Variants in CNTNAP2 observed in about 807,000 individuals in gnomAD.
CNTNAP2 encodes contactin associated protein 2.
Under a neutral mutation model 155.2 loss-of-function variants are expected in CNTNAP2, and 98 were observed. That is an observed-to-expected ratio of 0.63 (90% CI 0.54 to 0.75). CNTNAP2 has a LOEUF of 0.75. CNTNAP2 is among the 30% of genes least tolerant of loss of function. The pLI is 0.00. For missense variants in CNTNAP2, 1,727 were observed against 1,688.1 expected, an observed-to-expected ratio of 1.02 and a Z score of -0.40; for synonymous variants, 651 against 631.2, an observed-to-expected ratio of 1.03 and a Z score of -0.47.
intron 1 of CNTNAP2, among the ~76,000 whole-genome samples, chr7:146,572,612 C>A (rs1485275328): frequency 6.6e-6 from 1 of 152,094 alleles, no homozygotes; most frequent in Non-Finnish European, 1.5e-5. Flanking sequence ...TGAACATATT[C>A]TCCAAAGCCA....
chr7:147,447,674 G>C (rs1302868737), intron 10 of CNTNAP2, among the ~76,000 whole-genome samples: 1 of 152,046 alleles, frequency 6.6e-6, no homozygotes, highest in African/African-American at 2.4e-5. Context: ...CCTGCCTTGG[G>C]CTCCCAAAGT....
chr7:146,458,946 T>G (rs1796596788), intron 1 of CNTNAP2, among the ~76,000 whole-genome samples: 1 of 152,212 alleles, frequency 6.6e-6, no homozygotes, highest in Non-Finnish European at 1.5e-5. Context: ...CTATTGGTTT[T>G]GCTTCTCTGG....
chr7:146,842,994 C>T (rs1459204351), intron 3 of CNTNAP2, among the ~76,000 whole-genome samples: 308 of 13,656 alleles, frequency 0.023, 7 homozygotes, highest in Non-Finnish European at 0.035. Flanking sequence ...CTGTCCCACA[C>T]TTTTTTTTTT....
intron 1 of CNTNAP2, among the ~76,000 whole-genome samples, chr7:146,233,344 T>G (rs1009913370): frequency 4.6e-5 from 7 of 152,164 alleles, no homozygotes; most frequent in South Asian, 2.1e-4. Context: ...AACTTGAATT[T>G]TCATAGTATA....
At chr7:146,477,345 T>A (rs541805042) in intron 1 of CNTNAP2, among the ~76,000 whole-genome samples, 1 of 152,294 alleles carries the variant, frequency 6.6e-6, no homozygotes, top group South Asian at 2.1e-4. Context: ...AATGTGTTGC[T>A]AAGATCATTC....
chr7:147,867,316 C>T (rs149581588), intron 13 of CNTNAP2, among the ~76,000 whole-genome samples: 2,462 of 152,262 alleles, frequency 0.016, 64 homozygotes, highest in African/African-American at 0.055. Context: ...CTGAGAGATC[C>T]GCTGTTTGTC....
intron 8 of CNTNAP2, among the ~76,000 whole-genome samples, chr7:147,142,323 T>G (rs1801615873): frequency 6.6e-6 from 1 of 152,180 alleles, no homozygotes; most frequent in Admixed American, 6.5e-5. Flanking sequence ...CTGCATCTAT[T>G]GAGATAATCA....
At chr7:146,695,533 G>A (rs1449840605) in intron 1 of CNTNAP2, among the ~76,000 whole-genome samples, 2 of 152,070 alleles carry the variant, frequency 1.3e-5, no homozygotes, top group Admixed American at 6.6e-5. Context: ...TCCCACCTCA[G>A]CCTCCCATGC....
intron 1 of CNTNAP2, among the ~76,000 whole-genome samples, chr7:146,380,102 T>C (rs1252494415): frequency 1.3e-5 from 2 of 152,200 alleles, no homozygotes; most frequent in Non-Finnish European, 2.9e-5. Context: ...AATGCTGACT[T>C]CTTAAATGAA....
chr7:147,434,009 T>C (rs1169256997), intron 10 of CNTNAP2, among the ~76,000 whole-genome samples: 2 of 152,142 alleles, frequency 1.3e-5, no homozygotes, highest in African/African-American at 2.4e-5. Flanking sequence ...ACCTTATCAG[T>C]CCTCTAAAAT....
At chr7:147,958,917 C>A (rs1250481152) in intron 14 of CNTNAP2, among the ~76,000 whole-genome samples, 1 of 152,090 alleles carries the variant, frequency 6.6e-6, no homozygotes, top group African/African-American at 2.4e-5. Flanking sequence ...AGGGTGGAAT[C>A]TGTAATTCCA....
chr7:148,163,814 G>A (rs1805596880), intron 17 of CNTNAP2, among the ~76,000 whole-genome samples: 1 of 152,214 alleles, frequency 6.6e-6, no homozygotes, highest in South Asian at 2.1e-4. Context: ...AGAATATGGA[G>A]CAATTTCCTT....
chr7:146,893,136 TGTGTCA>T (rs1353279276), intron 3 of CNTNAP2, among the ~76,000 whole-genome samples: 1 of 152,160 alleles, frequency 6.6e-6, no homozygotes, highest in Non-Finnish European at 1.5e-5. Flanking sequence ...TATCTATTTC[TGTGTCA>T]GAAGAAAGAA....
chr7:147,870,889 G>A (rs1799316007), intron 13 of CNTNAP2, among the ~76,000 whole-genome samples: 1 of 151,962 alleles, frequency 6.6e-6, no homozygotes, highest in Non-Finnish European at 1.5e-5. Flanking sequence ...TGAGGATAGG[G>A]GGATCCTTTC....
chr7:146,820,317 AG>A (rs1803254482), intron 2 of CNTNAP2, among the ~76,000 whole-genome samples: 1 of 152,214 alleles, frequency 6.6e-6, no homozygotes, highest in Non-Finnish European at 1.5e-5. Flanking sequence ...TTATGTTTTG[AG>A]GAATTAATAA....
At chr7:147,468,727 T>C (rs764588352) in intron 10 of CNTNAP2, among the ~76,000 whole-genome samples, 2 of 152,164 alleles carry the variant, frequency 1.3e-5, no homozygotes, top group African/African-American at 2.4e-5. Context: ...TGTACAAATA[T>C]GTTAGAAAAA....
intron 1 of CNTNAP2, among the ~76,000 whole-genome samples, chr7:146,544,220 GTTC>G (rs1228910631): frequency 6.6e-6 from 1 of 151,908 alleles, no homozygotes. Context: ...GAGTGAATAT[GTTC>G]TTTAGTTTAT....
At chr7:148,343,985 A>C (rs1214206034) in intron 21 of CNTNAP2, among the ~76,000 whole-genome samples, 2 of 152,198 alleles carry the variant, frequency 1.3e-5, no homozygotes, top group East Asian at 3.9e-4. Context: ...ATGTAGCCTG[A>C]GGGCTCCCAT....
At chr7:146,330,439 TG>T (rs1168526594) in intron 1 of CNTNAP2, among the ~76,000 whole-genome samples, 4 of 152,196 alleles carry the variant, frequency 2.6e-5, no homozygotes, top group African/African-American at 9.6e-5. Flanking sequence ...AAAACAAACC[TG>T]TTCTCACAGA....
Sources: allele counts gnomAD v4.1 joint callset (sites outside exome capture counted in the v4.1 genomes callset), GRCh38; gene constraint gnomAD v4.1.1; transcripts MANE v1.5; gene names NCBI Gene and HGNC (gene_info 2026-07-23, HGNC 2026-07-21).